CCDC60: variants seen among roughly 807,000 people sequenced by gnomAD.
The protein encoded by CCDC60 is coiled-coil domain-containing protein 60.
CCDC60 carries 54 observed loss-of-function variants against 63.5 expected under a neutral mutation model. The observed-to-expected ratio is 0.85, with a 90% CI of 0.68 to 1.07. The LOEUF (loss-of-function observed/expected upper bound fraction) is 1.07, where lower values mean the gene tolerates loss of function less well. Ranked by LOEUF, CCDC60 falls within the 50% of genes least tolerant of loss-of-function variation. The pLI is 0.00. For missense variants in CCDC60, 651 were observed against 684.3 expected (o/e 0.95, Z 0.54); for synonymous variants, 206 against 238.8 (o/e 0.86, Z 1.27).
At chr12:119,422,937 A>G (rs1379682415) in intron 1 of CCDC60, among the ~76,000 whole-genome samples, 1 of 152,216 alleles carries the variant, frequency 6.6e-6, no homozygotes, top group Non-Finnish European at 1.5e-5. Flanking sequence ...GCACCAACAC[A>G]ACATAACACA....
At chr12:119,383,650 T>G (rs1956031504) in intron 1 of CCDC60, among the ~76,000 whole-genome samples, 1 of 152,194 alleles carries the variant, frequency 6.6e-6, no homozygotes, top group Admixed American at 6.5e-5. Context: ...TTTTGAGAGC[T>G]CAAGAGACAC....
intron 2 of CCDC60, among the ~76,000 whole-genome samples, chr12:119,457,980 C>T (rs996286738): frequency 6.6e-6 from 1 of 152,170 alleles, no homozygotes; most frequent in Non-Finnish European, 1.5e-5. Context: ...ACTGGGGCTG[C>T]GTTATTAATT....
intron 1 of CCDC60, among the ~76,000 whole-genome samples, chr12:119,421,964 G>A (rs554403980): frequency 5.8e-4 from 88 of 152,190 alleles, no homozygotes; most frequent in Non-Finnish European, 8.7e-4. Flanking sequence ...TAGTCCATGC[G>A]TGCTCCATCC....
intron 1 of CCDC60, among the ~76,000 whole-genome samples, chr12:119,382,472 A>AG (rs1484673690): frequency 3.3e-5 from 5 of 151,650 alleles, no homozygotes; most frequent in Non-Finnish European, 7.4e-5. Context: ...TAACTGATGA[A>AG]GGGGTGGAGG....
At chr12:119,436,849 T>C (rs1324744435) in intron 2 of CCDC60, among the ~76,000 whole-genome samples, 3 of 152,190 alleles carry the variant, frequency 2.0e-5, no homozygotes, top group African/African-American at 7.2e-5. Context: ...GTGATACCAA[T>C]ACTTTTAACT....
Position 119,516,677 on chromosome 12 carries a change from T to A in CCDC60, c.938T>A (p.Ile313Lys). The stretch of plus-strand genomic sequence containing the variant: ...GAAGATGCCCGGAGGACAGTCACAA[T>A]AGAAAATGGGATGCAAAGAAAAGCA... ...VREDARRTVTIENGMQRKAPS... is the reference protein window; with the variant it reads ...VREDARRTVTKENGMQRKAPS... Residue 313 changes from isoleucine (I) to lysine (K), a missense_variant, in exon 8 of 14, where the codon ATA (isoleucine) becomes AAA (lysine). Coordinates refer to ENST00000327554, the MANE Select transcript of CCDC60 (RefSeq NM_178499.5). 3 of 1,613,860 alleles carry A rather than the reference T, an allele frequency of 1.9e-6. No homozygotes were observed. In the East Asian group the frequency reaches 6.7e-5, roughly 36 times the overall value.
intron 1 of CCDC60, among the ~76,000 whole-genome samples, chr12:119,421,825 A>G (rs944149480): frequency 1.3e-5 from 2 of 152,120 alleles, no homozygotes; most frequent in African/African-American, 4.8e-5. Context: ...TTCTTGCCAC[A>G]CTTCACTTCT....
At chr12:119,534,876 CTCT>C (rs891603769) in intron 13 of CCDC60, among the ~76,000 whole-genome samples, 8 of 152,038 alleles carry the variant, frequency 5.3e-5, no homozygotes, top group African/African-American at 1.9e-4. Flanking sequence ...TCTAAAAATT[CTCT>C]TTTTTTGTTT....
rs370439015 is a variant in CCDC60, at chr12:119,528,646, C to T, written c.1261C>T (p.Arg421Cys). 8 of 1,613,900 alleles carry T rather than the reference C, an allele frequency of 5.0e-6. No homozygotes were observed. Among genetic ancestry groups the T allele is most frequent in the East Asian group, 2.2e-5 (1 of 44,864 alleles). The change falls in exon 12 of 14, where the codon CGT becomes TGT. Residue 421 changes from arginine (R) to cysteine (C), a missense_variant. Physicochemically the swap from Arg to Cys is radical, Grantham distance 180. Coordinates refer to ENST00000327554, the MANE Select transcript of CCDC60 (RefSeq NM_178499.5). ...RQEERGIQKFRAFVLVSNFQK... is the reference protein window; with the variant it reads ...RQEERGIQKFCAFVLVSNFQK... The stretch of plus-strand genomic sequence containing the variant: ...AGAAGAGAGAGGTATCCAGAAGTTC[C>T]GTGCTTTTGTCCTTGTCTCAAATTT...
chr12:119,394,470 G>A (rs555207629), intron 1 of CCDC60, among the ~76,000 whole-genome samples: 19 of 152,322 alleles, frequency 1.2e-4, no homozygotes, highest in Middle Eastern at 3.4e-3. Flanking sequence ...GACATACTCC[G>A]TGCCTCTGGC....
chr12:119,533,846 G>C (rs1482245581), intron 13 of CCDC60, among the ~76,000 whole-genome samples: 1 of 152,174 alleles, frequency 6.6e-6, no homozygotes, highest in Non-Finnish European at 1.5e-5. Context: ...TTGAAGTCAG[G>C]TAGTGTGATG....
intron 13 of CCDC60, among the ~76,000 whole-genome samples, chr12:119,534,675 A>G (rs1952950232): frequency 6.6e-6 from 1 of 152,124 alleles, no homozygotes; most frequent in South Asian, 2.1e-4. Flanking sequence ...TGAGATAATC[A>G]TGTGGTTTTT....
At chr12:119,383,975 T>A (rs1322575529) in intron 1 of CCDC60, among the ~76,000 whole-genome samples, 1 of 152,124 alleles carries the variant, frequency 6.6e-6, no homozygotes, top group Non-Finnish European at 1.5e-5. Flanking sequence ...GGCGGGCGGA[T>A]CACGAGGTCA....
At chr12:119,483,987 A>C (rs1051244453) in intron 4 of CCDC60, among the ~76,000 whole-genome samples, 2 of 147,612 alleles carry the variant, frequency 1.4e-5, no homozygotes, top group African/African-American at 4.9e-5. Context: ...AGCAATCATC[A>C]GGTTTAGGGC....
intron 13 of CCDC60, among the ~76,000 whole-genome samples, chr12:119,534,524 C>T (rs1013804294): frequency 3.3e-5 from 5 of 152,144 alleles, no homozygotes; most frequent in Admixed American, 6.5e-5. Flanking sequence ...CCCGTTTTTG[C>T]CCATTCAGTA....
At chr12:119,384,057 G>A (rs953220897) in intron 1 of CCDC60, among the ~76,000 whole-genome samples, 18 of 152,226 alleles carry the variant, frequency 1.2e-4, no homozygotes, top group Non-Finnish European at 2.2e-4. Context: ...TTAGCCGGGC[G>A]TGGTGGCGGG....
intron 1 of CCDC60, among the ~76,000 whole-genome samples, chr12:119,405,907 C>T (rs1018769914): frequency 6.6e-6 from 1 of 152,102 alleles, no homozygotes; most frequent in African/African-American, 2.4e-5. Flanking sequence ...TGTGGTGGCT[C>T]ACGCCTGTAA....
chr12:119,335,872 C>A (rs1465689596), intron 1 of CCDC60, among the ~76,000 whole-genome samples: 1 of 151,664 alleles, frequency 6.6e-6, no homozygotes, highest in Non-Finnish European at 1.5e-5. Context: ...GAAGTCCTTG[C>A]CCATGCCTAT....
intron 3 of CCDC60, among the ~76,000 whole-genome samples, chr12:119,478,036 A>C (rs1231077084): frequency 6.6e-6 from 1 of 152,162 alleles, no homozygotes; most frequent in Non-Finnish European, 1.5e-5. Flanking sequence ...CCCCACAGCC[A>C]GGTGCAATGT....
Sources: allele counts gnomAD v4.1 joint callset (sites outside exome capture counted in the v4.1 genomes callset), GRCh38; gene constraint gnomAD v4.1.1; transcripts MANE v1.5; gene names NCBI Gene and HGNC (gene_info 2026-07-23, HGNC 2026-07-21).